Variants in ANTXR2 observed in about 807,000 individuals in gnomAD.
The protein encoded by ANTXR2 is anthrax toxin receptor 2.
In ANTXR2, 44 loss-of-function variants were observed where a neutral mutation model predicts 73.7. The observed-to-expected ratio is 0.60, with a 90% CI of 0.47 to 0.77. The LOEUF (loss-of-function observed/expected upper bound fraction) is 0.77. ANTXR2 is among the 30% of genes least tolerant of loss of function. The pLI, the probability that ANTXR2 is intolerant of heterozygous loss-of-function variation, is 0.00. For missense variants in ANTXR2, 604 were observed against 592.5 expected (o/e 1.02, Z -0.20); for synonymous variants, 217 against 205.9 (o/e 1.05, Z -0.46).
At chr4:80,002,516 T>C (rs1300578731) in intron 12 of ANTXR2, among the ~76,000 whole-genome samples, 5 of 152,152 alleles carry the variant, frequency 3.3e-5, no homozygotes, top group East Asian at 1.9e-4. Flanking sequence ...ACTTCATGTC[T>C]AAAACACCAA....
upstream of ANTXR2, among the ~76,000 whole-genome samples, chr4:80,073,240 G>A (rs1352765590): frequency 6.6e-6 from 1 of 152,232 alleles, no homozygotes; most frequent in African/African-American, 2.4e-5. Context: ...GTCAGTGTGC[G>A]CCTGGGGACG....
intron 16 of ANTXR2, among the ~76,000 whole-genome samples, chr4:79,957,083 G>C (rs533739327): frequency 6.6e-6 from 1 of 152,012 alleles, no homozygotes; most frequent in African/African-American, 2.4e-5. Context: ...ATTCCTTTTG[G>C]AGCCCATAAT....
At position 80,014,771 on chromosome 4, in the gene ANTXR2, G is replaced by A. The variant is rs375218805; in HGVS notation, c.945+4127C>T. ...CCTATCACACGGTCTCTGTAGAAGC[G>A]GAGAAACCTAACATCAGTGGTGCCT... is the stretch of plus-strand genomic sequence containing the variant. On this transcript the variant is annotated intron_variant, in intron 11 of 16. Coordinates refer to ENST00000403729, the MANE Select transcript of ANTXR2 (RefSeq NM_058172.6). Among the ~76,000 whole-genome samples, 68 of 152,162 alleles carry A rather than the reference G, an allele frequency of 4.5e-4. 1 individual carries two copies. The East Asian group carries it at 6.0e-3, about 13-fold the overall frequency.
intron 7 of ANTXR2, among the ~76,000 whole-genome samples, chr4:80,038,176 T>C (rs1733065425): frequency 6.6e-6 from 1 of 152,128 alleles, no homozygotes; most frequent in African/African-American, 2.4e-5. Context: ...CTAAAGATCA[T>C]GTCAAAAAAC....
chr4:80,007,664 AC>A (rs1332135570), intron 12 of ANTXR2, among the ~76,000 whole-genome samples: 1 of 152,168 alleles, frequency 6.6e-6, no homozygotes, highest in African/African-American at 2.4e-5. Context: ...GGGAGATGTG[AC>A]TACAGAAAAA....
chr4:80,002,287 C>A (rs1731085397), intron 12 of ANTXR2, among the ~76,000 whole-genome samples: 1 of 152,090 alleles, frequency 6.6e-6, no homozygotes, highest in Non-Finnish European at 1.5e-5. Flanking sequence ...TTTGACGAAC[C>A]TGACAAAAAC....
chr4:80,013,320 G>A (rs1435587252), intron 11 of ANTXR2, among the ~76,000 whole-genome samples: 1 of 152,196 alleles, frequency 6.6e-6, no homozygotes, highest in Non-Finnish European at 1.5e-5. Context: ...GTAAGGACCA[G>A]TTGTGAGAGA....
intron 12 of ANTXR2, among the ~76,000 whole-genome samples, chr4:80,001,906 A>G (rs894694170): frequency 3.3e-5 from 5 of 151,420 alleles, no homozygotes; most frequent in Non-Finnish European, 5.9e-5. Flanking sequence ...TGCTTGGTAG[A>G]TCTTCCTCCA....
At chr4:80,003,894 G>C (rs1330861434) in intron 12 of ANTXR2, among the ~76,000 whole-genome samples, 2 of 152,020 alleles carry the variant, frequency 1.3e-5, no homozygotes, top group Non-Finnish European at 2.9e-5. Flanking sequence ...TTATAACTCA[G>C]GAGTCACAGA....
At chr4:80,003,491 G>C (rs1209134907) in intron 12 of ANTXR2, among the ~76,000 whole-genome samples, 3 of 151,470 alleles carry the variant, frequency 2.0e-5, no homozygotes, top group Non-Finnish European at 2.9e-5. Flanking sequence ...CAGCACACCA[G>C]CATGGCACAT....
intron 12 of ANTXR2, among the ~76,000 whole-genome samples, chr4:80,000,365 A>G (rs1730971120): frequency 6.6e-6 from 1 of 152,094 alleles, no homozygotes; most frequent in Admixed American, 6.6e-5. Flanking sequence ...AGAATTTTTT[A>G]CTATAACTAG....
At chr4:79,977,600 A>C in intron 16 of ANTXR2, 21 bp downstream of exon 16, 1 of 1,561,798 alleles carries the variant, frequency 6.4e-7, no homozygotes, top group Non-Finnish European at 8.7e-7. Flanking sequence ...GCTCTTTCTC[A>C]ATACATTCCC....
In ANTXR2 at chr4:80,066,785, A is replaced by G. The variant is rs116665303; in HGVS notation, c.296+2651T>C. ...TATAGATGAAAAAAGAAGAAGCATA[A>G]AGAGGTTAAGCAACTTATCCTTGAC... On this transcript the variant is annotated intron_variant, in intron 3 of 16. Transcript: ENST00000403729. Among the ~76,000 whole-genome samples the G allele has an allele frequency of 9.6e-3, 1,463 of 152,312 alleles. 22 individuals are homozygous for G. The highest frequency in any genetic ancestry group is 0.029 in the African/African-American group (1,226 of 41,566).
At chr4:80,034,867 T>A (rs944587125) in intron 8 of ANTXR2, among the ~76,000 whole-genome samples, 1 of 152,088 alleles carries the variant, frequency 6.6e-6, no homozygotes, top group Non-Finnish European at 1.5e-5. Flanking sequence ...TCATTTACTA[T>A]GTTATGAAAG....
At chr4:80,023,496 T>C (rs1042513470) in intron 10 of ANTXR2, among the ~76,000 whole-genome samples, 1 of 152,134 alleles carries the variant, frequency 6.6e-6, no homozygotes, top group Non-Finnish European at 1.5e-5. Flanking sequence ...TAATACAAAT[T>C]ACAATGTAAA....
At chr4:79,936,207 T>G (rs1200815456) in intron 16 of ANTXR2, among the ~76,000 whole-genome samples, 1 of 152,212 alleles carries the variant, frequency 6.6e-6, no homozygotes, top group Non-Finnish European at 1.5e-5. Context: ...TTAATCACTA[T>G]TACACAAGTA....
At position 80,019,912 on chromosome 4, in the gene ANTXR2, AGATT is replaced by A. The variant is rs540705627; in HGVS notation, c.867-940_867-937del. ...ATAATCATTAAAATTTCATTAATTT[AGATT>A]GATTATTTGGGATTAGCCTAGAGTT... On this transcript the variant is annotated intron_variant, in intron 10 of 16. Coordinates refer to ENST00000403729, the MANE Select transcript of ANTXR2 (RefSeq NM_058172.6). 2.6e-4 allele frequency among the ~76,000 whole-genome samples: 39 copies of A among 152,318 alleles called. 1 individual carries two copies. The highest frequency in any genetic ancestry group is 8.7e-4 in the African/African-American group (36 of 41,572).
intron 16 of ANTXR2, among the ~76,000 whole-genome samples, chr4:79,965,392 TAG>T (rs1176388727): frequency 2.6e-5 from 4 of 152,356 alleles, no homozygotes; most frequent in Non-Finnish European, 4.4e-5. Context: ...TGCCTTTTTT[TAG>T]AGTCACTATT....
At chr4:80,045,538 C>T (rs1733478385) in intron 7 of ANTXR2, among the ~76,000 whole-genome samples, 1 of 150,230 alleles carries the variant, frequency 6.7e-6, no homozygotes, top group African/African-American at 2.4e-5. Context: ...CACAGCATGT[C>T]AGAAAATATT....
Sources: allele counts gnomAD v4.1 joint callset (sites outside exome capture counted in the v4.1 genomes callset), GRCh38; gene constraint gnomAD v4.1.1; transcripts MANE v1.5; gene names NCBI Gene and HGNC (gene_info 2026-07-23, HGNC 2026-07-21).